ANGPT1: variants seen among roughly 807,000 people sequenced by gnomAD.
The protein encoded by ANGPT1 is angiopoietin-1.
Under a neutral mutation model 62.2 loss-of-function variants are expected in ANGPT1, and 17 were observed. That is an observed-to-expected ratio of 0.27 (90% CI 0.19 to 0.41). The LOEUF is 0.41. Among genes scored for constraint, ANGPT1 ranks in the 10% least tolerant of loss-of-function variants. The pLI is 1.00. For missense variants in ANGPT1, 478 were observed against 594.9 expected, an observed-to-expected ratio of 0.80 and a Z score of 2.04; for synonymous variants, 199 against 198.9, an observed-to-expected ratio of 1.00 and a Z score of 0.00.
chr8:107,381,162 T>C (rs2130274765), intron 1 of ANGPT1, among the ~76,000 whole-genome samples: 1 of 152,332 alleles, frequency 6.6e-6, no homozygotes, highest in Non-Finnish European at 1.5e-5. Flanking sequence ...GGAAGTTTCT[T>C]CAAATGGCTG....
At chr8:107,488,180 A>G (rs956862801) in intron 1 of ANGPT1, among the ~76,000 whole-genome samples, 4 of 152,172 alleles carry the variant, frequency 2.6e-5, no homozygotes, top group African/African-American at 7.2e-5. Context: ...GAAATTTACA[A>G]TTGGTACCCT....
chr8:107,346,821 T>C, intron 2 of ANGPT1, 121 bp downstream of exon 2: 2 of 897,372 alleles, frequency 2.2e-6, no homozygotes, highest in Non-Finnish European at 3.3e-6. Context: ...TTATTACCAA[T>C]AAACAAAAAT....
chr8:107,401,251 T>C (rs1817041566), intron 1 of ANGPT1, among the ~76,000 whole-genome samples: 2 of 151,536 alleles, frequency 1.3e-5, no homozygotes, highest in South Asian at 4.2e-4. Context: ...TAATAGCAAG[T>C]GATCTTCTGT....
chr8:107,405,889 A>T (rs569673418), intron 1 of ANGPT1, among the ~76,000 whole-genome samples: 1 of 151,996 alleles, frequency 6.6e-6, no homozygotes, highest in South Asian at 2.1e-4. Context: ...AATTTTCTTC[A>T]TCTACTGTAA....
At chr8:107,401,443 C>G (rs1817046613) in intron 1 of ANGPT1, among the ~76,000 whole-genome samples, 1 of 152,172 alleles carries the variant, frequency 6.6e-6, no homozygotes, top group African/African-American at 2.4e-5. Context: ...ACAATCTTAG[C>G]TGTTTCTACA....
Position 107,303,302 on chromosome 8 carries a change from C to T in ANGPT1, c.874G>A (p.Ala292Thr). The change falls in exon 5 of 9, where the codon GCT becomes ACT. Residue 292 changes from alanine to threonine, a missense_variant. Ala to Thr is a moderately conservative substitution (Grantham distance 58). Around this residue, in one of 4 missense-constraint regions of ANGPT1, gnomAD observed 343 missense variants for 355.4 expected, o/e 0.97. Coordinates refer to ENST00000517746, the MANE Select transcript of ANGPT1 (RefSeq NM_001146.5). ...TAGATTCCACTTTTATTAAAACCAG[C>T]TTGATATACATCTGCACAGTCTCTA... is the stretch of plus-strand genomic sequence containing the variant. ...PFRDCADVYQ[A>T]GFNKSGIYTI... 10 of 1,601,700 alleles carry T rather than the reference C, an allele frequency of 6.2e-6. No individual in the cohort carries two copies. Among genetic ancestry groups the T allele is most frequent in the Non-Finnish European group, 7.7e-6 (9 of 1,172,406 alleles).
In ANGPT1 at chr8:107,336,259, T is replaced by C. The variant is rs1028537195; in HGVS notation, c.466A>G (p.Thr156Ala). ...TDVETQVLNQ[T>A]SRLEIQLLEN... Reference sequence around the variant, plus strand: ...AGCAGCTGTATCTCAAGTCGAGAAGTTTGATTTAGTACCTTAAGATAAAAG... The same window carrying C: ...AGCAGCTGTATCTCAAGTCGAGAAGCTTGATTTAGTACCTTAAGATAAAAG... The change falls in exon 3 of 9, where the codon ACT becomes GCT. Residue 156 changes from threonine (T) to alanine (A), a missense_variant. Coordinates refer to ENST00000517746, the MANE Select transcript of ANGPT1 (RefSeq NM_001146.5). 7 of 1,600,480 alleles carry C rather than the reference T, an allele frequency of 4.4e-6. No homozygotes were observed. Among genetic ancestry groups the C allele is most frequent in the Non-Finnish European group, 6.0e-6 (7 of 1,175,536 alleles).
chr8:107,265,181 T>C (rs775028523), intron 7 of ANGPT1, among the ~76,000 whole-genome samples: 15 of 152,126 alleles, frequency 9.9e-5, no homozygotes, highest in African/African-American at 3.4e-4. Context: ...GGCCCTCTAA[T>C]GGATGTGCAT....
At chr8:107,446,962 C>T (rs1056647209) in intron 1 of ANGPT1, among the ~76,000 whole-genome samples, 1 of 152,186 alleles carries the variant, frequency 6.6e-6, no homozygotes, top group Admixed American at 6.5e-5. Flanking sequence ...CAGTCTTCCC[C>T]ATCTCAGTTG....
intron 1 of ANGPT1, among the ~76,000 whole-genome samples, chr8:107,368,057 T>A (rs1418819192): frequency 6.6e-6 from 1 of 152,178 alleles, no homozygotes; most frequent in Non-Finnish European, 1.5e-5. Flanking sequence ...TTCAATTTAC[T>A]TTGCCCAGAT....
chr8:107,427,689 G>C (rs546992456), intron 1 of ANGPT1, among the ~76,000 whole-genome samples: 1 of 152,134 alleles, frequency 6.6e-6, no homozygotes, highest in African/African-American at 2.4e-5. Context: ...CCTCCTCTAG[G>C]TTTGAAGCTC....
chr8:107,411,797 A>G (rs1462937025), intron 1 of ANGPT1, among the ~76,000 whole-genome samples: 2 of 152,146 alleles, frequency 1.3e-5, no homozygotes, highest in Non-Finnish European at 2.9e-5. Flanking sequence ...ATTTGATCCA[A>G]CTATGCATTT....
chr8:107,457,686 C>T (rs911020411), intron 1 of ANGPT1, among the ~76,000 whole-genome samples: 1 of 152,018 alleles, frequency 6.6e-6, no homozygotes, highest in Non-Finnish European at 1.5e-5. Flanking sequence ...TTTGTCAACT[C>T]AAATTATTAA....
intron 1 of ANGPT1, among the ~76,000 whole-genome samples, chr8:107,430,429 C>T (rs1811152443): frequency 6.6e-6 from 1 of 152,172 alleles, no homozygotes; most frequent in Non-Finnish European, 1.5e-5. Flanking sequence ...CTTTGAGCTC[C>T]TTGAGGGCAG....
At chr8:107,427,933 T>A (rs557068240) in intron 1 of ANGPT1, among the ~76,000 whole-genome samples, 4 of 152,336 alleles carry the variant, frequency 2.6e-5, no homozygotes, top group South Asian at 4.1e-4. Context: ...ATTACAGGAC[T>A]TTGGGAAGGC....
intron 1 of ANGPT1, among the ~76,000 whole-genome samples, chr8:107,455,455 T>G (rs901653888): frequency 1.3e-5 from 2 of 152,090 alleles, no homozygotes; most frequent in African/African-American, 2.4e-5. Flanking sequence ...CCTGTTTTCC[T>G]ACATTTTATG....
chr8:107,492,663 G>A (rs1812994056), intron 1 of ANGPT1, among the ~76,000 whole-genome samples: 1 of 139,178 alleles, frequency 7.2e-6, no homozygotes, highest in Non-Finnish European at 1.6e-5. Flanking sequence ...ACACATTTAG[G>A]AAGTTCCCAC....
intron 2 of ANGPT1, among the ~76,000 whole-genome samples, chr8:107,344,044 G>A (rs1197600942): frequency 6.6e-6 from 1 of 152,130 alleles, no homozygotes; most frequent in East Asian, 1.9e-4. Context: ...CTGGGTGACA[G>A]AGTGAGACCC....
chr8:107,435,090 G>A (rs915952518), intron 1 of ANGPT1, among the ~76,000 whole-genome samples: 2 of 152,088 alleles, frequency 1.3e-5, no homozygotes, highest in South Asian at 4.2e-4. Flanking sequence ...TATTTTCATA[G>A]TAGTTGGAGC....
Sources: allele counts gnomAD v4.1 joint callset (sites outside exome capture counted in the v4.1 genomes callset), GRCh38; gene constraint gnomAD v4.1.1; regional missense constraint gnomAD v4.1.1; transcripts MANE v1.5; gene names NCBI Gene and HGNC (gene_info 2026-07-23, HGNC 2026-07-21).